Variants in EPHB4 observed in about 807,000 individuals in gnomAD.
EPHB4 encodes EPH receptor B4, also known as ephrin type-B receptor 4.
In EPHB4, 50 loss-of-function variants were observed where a neutral mutation model predicts 110.6. That is an observed-to-expected ratio of 0.45 (90% CI 0.36 to 0.57). EPHB4 has a LOEUF of 0.57. Ranked by LOEUF, EPHB4 falls within the 20% of genes least tolerant of loss-of-function variation. EPHB4 has a pLI of 0.00. For synonymous variants in EPHB4, 592 were observed against 578.4 expected (o/e 1.02, Z -0.34); for missense variants, 1,128 against 1,382.1 (o/e 0.82, Z 2.91).
chr7:100,803,736 G>A (rs764817937), intron 16 of EPHB4, 146 bp from the exon 17 acceptor site: 33 of 1,135,022 alleles, frequency 2.9e-5, no homozygotes, highest in Non-Finnish European at 3.7e-5. Flanking sequence ...AACAGTTCCC[G>A]GGCAGTTTTT....
At chr7:100,825,466 G>T (rs563421554) in intron 1 of EPHB4, 5 of 152,392 alleles carry the variant, frequency 3.3e-5, no homozygotes, top group African/African-American at 1.2e-4. Flanking sequence ...CAGAGCAAGC[G>T]CAGGCTCCCT....
At chr7:100,824,352 G>A in intron 1 of EPHB4, 79 bp from the exon 2 acceptor site, 2 of 1,477,630 alleles carry the variant, frequency 1.4e-6, no homozygotes, top group Non-Finnish European at 1.9e-6. Context: ...GGGAACCGAG[G>A]CAGGTGGATC....
At chr7:100,814,072 G>T in intron 8 of EPHB4, 51 bp from the exon 9 acceptor site, 1 of 1,594,302 alleles carries the variant, frequency 6.3e-7, no homozygotes, top group Non-Finnish European at 8.6e-7. Context: ...CCTGTAGGAG[G>T]CCCCAGCCCC....
At chr7:100,824,106 C>A in intron 2 of EPHB4, 97 bp downstream of exon 2, 1 of 1,567,824 alleles carries the variant, frequency 6.4e-7, no homozygotes. Flanking sequence ...TCTGGGGGGA[C>A]AGGGGAGAGG....
At chr7:100,816,028 C>T (rs1289745029) in intron 8 of EPHB4, among the ~76,000 whole-genome samples, 1 of 151,440 alleles carries the variant, frequency 6.6e-6, no homozygotes, top group East Asian at 2.0e-4. Flanking sequence ...GTGGCTCACG[C>T]CAGCAGTCCC....
In EPHB4 at chr7:100,822,765, G is replaced by A. The variant is rs1813269489; in HGVS notation, c.412-98C>T. Reference sequence around the variant, plus strand: ...CAGCTCACCCTCCCGGACCTCCTTGGTTCCCGTTCCAGAATCTTCCCTCCA... The same window carrying A: ...CAGCTCACCCTCCCGGACCTCCTTGATTCCCGTTCCAGAATCTTCCCTCCA... On this transcript the variant is annotated intron_variant, in intron 3 of 16. Coordinates refer to ENST00000358173, the MANE Select transcript of EPHB4 (RefSeq NM_004444.5). The surrounding 1 kb of genome is among the most constrained non-coding windows in gnomAD (Gnocchi z 4.7). 15 of 1,423,918 alleles carry A rather than the reference G, an allele frequency of 1.1e-5. No homozygotes were observed. The highest frequency in any genetic ancestry group is 1.4e-5 in the Non-Finnish European group (15 of 1,089,110). 88.2% of individuals were successfully genotyped at this position (1,423,918 alleles called of 1,614,324 possible). A position where few individuals can be genotyped will look rare whatever the true frequency, so the allele number is the denominator to read the frequency against.
chr7:100,814,170 A>G lies in EPHB4; in HGVS notation c.1589-149T>C, dbSNP rs1813012127. 3.8e-6 allele frequency: 3 copies of G among 795,518 alleles called. No homozygotes were observed. In the East Asian group the frequency reaches 8.2e-5, roughly 22 times the overall value. 49.3% of individuals were successfully genotyped at this position (795,518 alleles called of 1,614,324 possible). On this transcript the variant is annotated intron_variant, in intron 8 of 16. Transcript: ENST00000358173. ...GGAGAGGACACAAGCAGGCAAGGTC[A>G]GGGAACAAACAGTGGGTTTCAAACT... is the stretch of plus-strand genomic sequence containing the variant.
At chr7:100,820,486 C>T (rs1813198237) in intron 4 of EPHB4, 190 bp from the exon 5 acceptor site, 1 of 522,730 alleles carries the variant, frequency 1.9e-6, no homozygotes, top group African/African-American at 2.0e-5. Flanking sequence ...AAAAAAATTC[C>T]AGCTTCTTTT....
rs142736543 is a variant in EPHB4, at chr7:100,818,610, C to A, written c.1332G>T (p.Arg444=). 2 of 1,612,648 alleles carry A rather than the reference C, an allele frequency of 1.2e-6. No individual in the cohort carries two copies. The highest frequency in any genetic ancestry group is 1.1e-5 in the South Asian group (1 of 91,064). The change falls in exon 7 of 17, where the codon CGG becomes CGT. Residue 444 remains arginine (R), a synonymous_variant. Transcript: ENST00000358173. ...CCAGGCTCAAGCTGCTGGGTGAGGA[C>A]CGCGTCACCCGGATGTCAGACACTG... ...PPAVSDIRVT[R]SSPSSLSLAW...
rs1376167248 is a variant in EPHB4, at chr7:100,807,559, C to T, written c.2140G>A (p.Val714Ile). The change falls in exon 13 of 17, where the codon GTC becomes ATC. Residue 714 changes from valine to isoleucine, a missense_variant. Transcript: ENST00000358173. ...CGCAGCATGCCCACGAGCTGGATGA[C>T]TGTGAACTGTCCGTCGTTTAGCTGG... ...FLRLNDGQFTVIQLVGMLRGI... is the reference protein window; with the variant it reads ...FLRLNDGQFTIIQLVGMLRGI... 2 of 1,613,872 alleles carry T rather than the reference C, an allele frequency of 1.2e-6. No individual in the cohort carries two copies. The highest frequency in any genetic ancestry group is 1.3e-5 in the African/African-American group (1 of 75,022).
Position 100,802,765 on chromosome 7 carries a change from G to A in EPHB4, c.*696C>T, listed in dbSNP as rs1318378218. The A allele has an allele frequency of 6.6e-6, 1 of 152,212 alleles. No individual in the cohort carries two copies. Among genetic ancestry groups the A allele is most frequent in the African/African-American group, 2.4e-5 (1 of 41,442 alleles). The allele number at this position is 152,212 out of a possible 1,614,324, so 9.4% of individuals were successfully genotyped here. A position where few individuals can be genotyped will look rare whatever the true frequency, so the allele number is the denominator to read the frequency against. ...CAGGCGGGGTCCGGGGATGTGGGAT[G>A]ACCAAGGCACTGTTCTGGAAACAGA... On this transcript the variant is annotated 3_prime_UTR_variant, in exon 17 of 17. Transcript: ENST00000358173.
At position 100,813,944 on chromosome 7, in the gene EPHB4, T is replaced by C; in HGVS notation, c.1666A>G (p.Ile556Val). ...VVGVVLVLVV[I>V]VVAVLCLRKQ... Reference sequence around the variant, plus strand: ...CTGAGGCAGAGAACTGCGACCACAATGACCACCAGGACCAGGACCACACCC... The same window carrying C: ...CTGAGGCAGAGAACTGCGACCACAACGACCACCAGGACCAGGACCACACCC... Residue 556 changes from isoleucine (I) to valine (V), a missense_variant, in exon 9 of 17, where the codon ATT (isoleucine) becomes GTT (valine). Physicochemically the swap from Ile to Val is conservative, Grantham distance 29 (BLOSUM62 3). Transcript: ENST00000358173. The C allele has an allele frequency of 1.2e-6, 2 of 1,614,070 alleles. No individual in the cohort carries two copies. Among genetic ancestry groups the C allele is most frequent in the Non-Finnish European group, 1.7e-6 (2 of 1,180,004 alleles).
chr7:100,820,788 A>C (rs1027853273), intron 4 of EPHB4, among the ~76,000 whole-genome samples: 1 of 152,188 alleles, frequency 6.6e-6, no homozygotes, highest in Non-Finnish European at 1.5e-5. Flanking sequence ...ATATAGCAGC[A>C]AGTCTCCTAA....
chr7:100,814,513 T>C (rs1043018802), intron 8 of EPHB4, among the ~76,000 whole-genome samples: 9 of 152,166 alleles, frequency 5.9e-5, no homozygotes, highest in African/African-American at 2.2e-4. Context: ...AGCCTAGGCA[T>C]GCCCAGCCGC....
intron 12 of EPHB4, among the ~76,000 whole-genome samples, chr7:100,812,035 G>C (rs1812947405): frequency 6.6e-6 from 1 of 152,068 alleles, no homozygotes; most frequent in African/African-American, 2.4e-5. Flanking sequence ...AGTCAAGCGT[G>C]GTGGCACATG....
intron 1 of EPHB4, among the ~76,000 whole-genome samples, chr7:100,825,878 C>G (rs1204133903): frequency 6.6e-6 from 1 of 152,180 alleles, no homozygotes; most frequent in Non-Finnish European, 1.5e-5. Flanking sequence ...TTTGGCCTTC[C>G]TCTTCCCCTC....
intron 7 of EPHB4, 45 bp from the exon 8 acceptor site, chr7:100,817,402 G>A (rs1367611460): frequency 2.7e-6 from 4 of 1,497,692 alleles, no homozygotes; most frequent in Non-Finnish European, 3.5e-6. Flanking sequence ...GGGAACCCAA[G>A]TTCCTGTTGC....
At chr7:100,826,426 G>A (rs945070646) in intron 1 of EPHB4, among the ~76,000 whole-genome samples, 8 of 152,158 alleles carry the variant, frequency 5.3e-5, no homozygotes, top group South Asian at 2.1e-4. Flanking sequence ...ACCAGGGGCA[G>A]GAGCAGTGGG....
chr7:100,813,308 T>TTG, intron 10 of EPHB4, 100 bp from the exon 11 acceptor site: 1 of 465,314 alleles, frequency 2.1e-6, no homozygotes, highest in East Asian at 4.0e-5. Context: ...TCTCCGTGGT[T>TTG]TTTTTTTTTT....
Sources: allele counts gnomAD v4.1 joint callset (sites outside exome capture counted in the v4.1 genomes callset), GRCh38; gene constraint gnomAD v4.1.1; non-coding constraint Gnocchi (gnomAD v3.1); transcripts MANE v1.5; gene names NCBI Gene and HGNC (gene_info 2026-07-23, HGNC 2026-07-21).